SEMA5A: variants seen among roughly 807,000 people sequenced by gnomAD.
SEMA5A encodes semaphorin-5A.
SEMA5A carries 55 observed loss-of-function variants against 135.5 expected under a neutral mutation model. That is an observed-to-expected ratio of 0.41 (90% CI 0.33 to 0.51). SEMA5A has a LOEUF of 0.51. Among genes scored for constraint, SEMA5A ranks in the 20% least tolerant of loss-of-function variants. SEMA5A has a pLI of 0.37. For missense variants in SEMA5A, 1,290 were observed against 1,419.9 expected (o/e 0.91, Z 1.47); for synonymous variants, 580 against 546.5 (o/e 1.06, Z -0.85).
chr5:9,231,865 T>C (rs1747649566), intron 6 of SEMA5A, among the ~76,000 whole-genome samples: 2 of 152,200 alleles, frequency 1.3e-5, no homozygotes, highest in African/African-American at 4.8e-5. Flanking sequence ...AGTGCACATC[T>C]CCAAGGCCTC....
intron 8 of SEMA5A, among the ~76,000 whole-genome samples, chr5:9,208,581 G>A (rs575968408): frequency 6.6e-6 from 1 of 152,154 alleles, no homozygotes; most frequent in Non-Finnish European, 1.5e-5. Context: ...AGGCTGAGAA[G>A]GGGCCACCCA....
chr5:9,106,435 A>G (rs1365714979), intron 16 of SEMA5A, among the ~76,000 whole-genome samples: 6 of 152,242 alleles, frequency 3.9e-5, no homozygotes, highest in African/African-American at 1.4e-4. Context: ...TCATTAAGCT[A>G]TATTTGAAGG....
At chr5:9,453,337 CA>C (rs1235366480) in intron 1 of SEMA5A, among the ~76,000 whole-genome samples, 1 of 152,198 alleles carries the variant, frequency 6.6e-6, no homozygotes. Flanking sequence ...GCAATCCTAT[CA>C]CCTTCTTGTT....
At chr5:9,438,380 A>G (rs966277176) in intron 1 of SEMA5A, among the ~76,000 whole-genome samples, 3 of 152,182 alleles carry the variant, frequency 2.0e-5, no homozygotes, top group Admixed American at 6.6e-5. Context: ...TTATAGGAAA[A>G]GGAATGATGC....
At chr5:9,044,227 T>A (rs1214498232) in intron 22 of SEMA5A, 146 bp downstream of exon 22, 1 of 692,264 alleles carries the variant, frequency 1.4e-6, no homozygotes, top group East Asian at 2.7e-5. Context: ...CCTGAAGTCG[T>A]AAGGACTAAA....
chr5:9,332,717 G>A (rs1014351306), intron 4 of SEMA5A, among the ~76,000 whole-genome samples: 1 of 152,268 alleles, frequency 6.6e-6, no homozygotes, highest in Non-Finnish European at 1.5e-5. Context: ...CTCACATTGG[G>A]CCAGGTGTGC....
intron 1 of SEMA5A, among the ~76,000 whole-genome samples, chr5:9,521,387 G>A (rs924500883): frequency 6.6e-6 from 1 of 152,162 alleles, no homozygotes; most frequent in Non-Finnish European, 1.5e-5. Context: ...TCCAGCCTGG[G>A]CAACAGAGTG....
intron 5 of SEMA5A, among the ~76,000 whole-genome samples, chr5:9,288,333 C>T (rs1023026563): frequency 3.3e-5 from 5 of 152,110 alleles, no homozygotes; most frequent in Admixed American, 6.5e-5. Context: ...GTGGCTGCTG[C>T]GGTGTGAGGC....
Position 9,202,087 on chromosome 5 carries a change from G to T in SEMA5A, c.800C>A (p.Thr267Asn), listed in dbSNP as rs137870538. Residue 267 changes from threonine to asparagine, a missense_variant, in exon 9 of 23, where the codon ACC becomes AAC. Transcript: ENST00000382496. ...DIGGRFLLED[T>N]WTTFMKARLN... ...GCGAGCCTTCATGAATGTGGTCCAG[G>T]TGTCTTCCAGCAGGAAGCGCCCACC... 2.1e-4 allele frequency: 343 copies of T among 1,614,180 alleles called. 1 individual carries two copies. The highest frequency in any genetic ancestry group is 4.5e-4 in the Admixed American group (27 of 60,020).
chr5:9,193,828 T>G (rs769561199), intron 10 of SEMA5A, among the ~76,000 whole-genome samples: 76 of 152,116 alleles, frequency 5.0e-4, no homozygotes, highest in Non-Finnish European at 9.4e-4. Context: ...ACCCAGGAGG[T>G]AGAGGTTCCA....
intron 18 of SEMA5A, 55 bp downstream of exon 18, chr5:9,062,832 A>G: frequency 6.4e-7 from 1 of 1,573,356 alleles, no homozygotes; most frequent in South Asian, 1.1e-5. Flanking sequence ...AAATTAGAAG[A>G]CTCTCCAAGG....
chr5:9,164,610 C>T (rs1424834770), intron 11 of SEMA5A, among the ~76,000 whole-genome samples: 4 of 152,016 alleles, frequency 2.6e-5, no homozygotes, highest in South Asian at 2.1e-4. Flanking sequence ...TGTCATAGGA[C>T]GTATAACATT....
rs1579614773 is a variant in SEMA5A, at chr5:9,207,304, G to GAAT, written c.647-5065_647-5064insATT. On this transcript the variant is annotated intron_variant, in intron 8 of 22. Transcript: ENST00000382496. ...AGGTTCAAGAGATTCTCCTGCCTCA[G>GAAT]CCTTCCAAGTAGCTGGGATTCCAGG... is the stretch of plus-strand genomic sequence containing the variant. 6.6e-5 allele frequency among the ~76,000 whole-genome samples: 10 copies of GAAT among 151,858 alleles called. No homozygotes were observed. In the East Asian group the frequency reaches 1.9e-3, roughly 30 times the overall value.
At chr5:9,113,070 T>C (rs904788398) in intron 15 of SEMA5A, among the ~76,000 whole-genome samples, 2 of 152,184 alleles carry the variant, frequency 1.3e-5, no homozygotes, top group African/African-American at 4.8e-5. Flanking sequence ...TGAGCCCTGA[T>C]GACATCACAG....
intron 11 of SEMA5A, among the ~76,000 whole-genome samples, chr5:9,180,857 T>C (rs975092743): frequency 2.6e-5 from 4 of 152,220 alleles, no homozygotes; most frequent in Non-Finnish European, 4.4e-5. Context: ...TTGGCCACTA[T>C]CACTCTTGCA....
rs552352610 is a variant in SEMA5A, at chr5:9,507,718, T to C, written c.-175+37866A>G. Among the ~76,000 whole-genome samples, 4 of 152,084 alleles carry C rather than the reference T, an allele frequency of 2.6e-5. No homozygotes were observed. The South Asian group carries it at 8.3e-4, about 32-fold the overall frequency. On this transcript the variant is annotated intron_variant, in intron 1 of 22. Coordinates refer to ENST00000382496, the MANE Select transcript of SEMA5A (RefSeq NM_003966.3). ...CTGCTTTTCTAGCATGAGGTAAAAC[T>C]TCAGGGACGGGTGCGGTGTCTCTCG...
chr5:9,288,977 A>G (rs1750935591), intron 5 of SEMA5A, among the ~76,000 whole-genome samples: 1 of 152,236 alleles, frequency 6.6e-6, no homozygotes, highest in African/African-American at 2.4e-5. Flanking sequence ...TTTGTCAGAA[A>G]GTGAATCCTA....
At chr5:9,239,971 A>G (rs1321414467) in intron 5 of SEMA5A, among the ~76,000 whole-genome samples, 5 of 152,218 alleles carry the variant, frequency 3.3e-5, no homozygotes, top group Middle Eastern at 6.8e-3. Context: ...TGAAATGGCA[A>G]ACAAACAGCT....
intron 3 of SEMA5A, among the ~76,000 whole-genome samples, chr5:9,344,347 A>G (rs1328654571): frequency 1.3e-5 from 2 of 152,220 alleles, no homozygotes; most frequent in South Asian, 2.1e-4. Context: ...CAATATTTCT[A>G]TAAGACACAG....
Sources: gnomAD v4.1 joint callset for allele counts (sites outside exome capture counted in the v4.1 genomes callset) on GRCh38, gnomAD v4.1.1 for gene constraint, MANE v1.5 for transcripts, NCBI Gene and HGNC (gene_info 2026-07-23, HGNC 2026-07-21) for gene names.